Variants in CRIM1 observed in about 807,000 individuals in gnomAD.
The protein encoded by CRIM1 is cysteine rich transmembrane BMP regulator 1.
A neutral mutation model predicts 116.4 loss-of-function variants in CRIM1; 32 were observed. The observed-to-expected ratio is 0.27, with a 90% confidence interval of 0.21 to 0.37. CRIM1 has a LOEUF of 0.37. CRIM1 is among the 10% of genes least tolerant of loss of function. CRIM1 has a pLI of 1.00. For missense variants in CRIM1, 1,331 were observed against 1,354.8 expected, an observed-to-expected ratio of 0.98 and a Z score of 0.28; for synonymous variants, 590 against 509.2, an observed-to-expected ratio of 1.16 and a Z score of -2.13.
rs762172127 is a variant in CRIM1, at chr2:36,356,357, GGCTGCT to G, written c.76_81del (p.Leu26_Leu27del). 1.8e-5 allele frequency: 28 copies of G among 1,592,402 alleles called. No individual in the cohort carries two copies. Among genetic ancestry groups the G allele is most frequent in the African/African-American group, 4.0e-5 (3 of 74,412 alleles). ...GGGCACCTCCTGGTCTCGCTGCTGG[GGCTGCT>G]GCTGCTGCTGGCGCGCTCCGGCACC... On this transcript the variant is annotated inframe_deletion, in exon 1 of 17. Coordinates refer to ENST00000280527, the MANE Select transcript of CRIM1 (RefSeq NM_016441.3). The surrounding 1 kb of genome is among the most constrained non-coding windows in gnomAD (Gnocchi z 4.3).
intron 2 of CRIM1, among the ~76,000 whole-genome samples, chr2:36,424,317 C>T (rs1674291385): frequency 6.6e-6 from 1 of 152,164 alleles, no homozygotes; most frequent in Non-Finnish European, 1.5e-5. Context: ...TTAAAGATGA[C>T]CACAGTGCCC....
intron 2 of CRIM1, among the ~76,000 whole-genome samples, chr2:36,426,413 C>T (rs1291432295): frequency 6.6e-6 from 1 of 152,166 alleles, no homozygotes; most frequent in Non-Finnish European, 1.5e-5. Context: ...AGTAAAATCC[C>T]TAGCATGTAT....
At chr2:36,507,865 C>G (rs190260692) in intron 8 of CRIM1, among the ~76,000 whole-genome samples, 10 of 152,282 alleles carry the variant, frequency 6.6e-5, no homozygotes, top group Admixed American at 3.9e-4. Flanking sequence ...CACCAAGGTG[C>G]TCAGGCTCCA....
At chr2:36,421,403 A>G in intron 2 of CRIM1, among the ~76,000 whole-genome samples, 1 of 152,186 alleles carries the variant, frequency 6.6e-6, no homozygotes, top group East Asian at 1.9e-4. Flanking sequence ...ATCTTTCTTG[A>G]TGGGACTTTT....
chr2:36,384,647 A>G (rs1158133989), intron 1 of CRIM1, among the ~76,000 whole-genome samples: 1 of 152,202 alleles, frequency 6.6e-6, no homozygotes, highest in Non-Finnish European at 1.5e-5. Context: ...CAAGGTATTC[A>G]TATGCATTTC....
intron 1 of CRIM1, among the ~76,000 whole-genome samples, chr2:36,376,291 A>G (rs1670312621): frequency 6.6e-6 from 1 of 152,262 alleles, no homozygotes; most frequent in Non-Finnish European, 1.5e-5. Context: ...ATAAATGTTT[A>G]AATTCATTTA....
In CRIM1 at chr2:36,391,101, C is replaced by T. The variant is rs1346429196; in HGVS notation, c.332-5513C>T. Among the ~76,000 whole-genome samples, 23 of 145,498 alleles carry T rather than the reference C, an allele frequency of 1.6e-4. No homozygotes were observed. The Admixed American group carries it at 1.6e-3, about 10-fold the overall frequency. ...CTGGGATTACAGGTGTGAGCCATTG[C>T]GCCTGGCCAACTTTTGATTTTTTTT... On this transcript the variant is annotated intron_variant, in intron 1 of 16. Coordinates refer to ENST00000280527, the MANE Select transcript of CRIM1 (RefSeq NM_016441.3).
At chr2:36,509,880 G>T in intron 8 of CRIM1, 103 bp from the exon 9 acceptor site, 1 of 1,001,218 alleles carries the variant, frequency 1.0e-6, no homozygotes, top group South Asian at 1.7e-5. Context: ...CTGAGAAATT[G>T]AGATCTGTGG....
intron 7 of CRIM1, among the ~76,000 whole-genome samples, chr2:36,487,631 A>C (rs1679925070): frequency 6.6e-6 from 1 of 152,134 alleles, no homozygotes; most frequent in Non-Finnish European, 1.5e-5. Context: ...ACAGTAAAAT[A>C]AAGGCACTTT....
intron 4 of CRIM1, among the ~76,000 whole-genome samples, chr2:36,456,565 G>T (rs1017154): frequency 6.6e-5 from 10 of 151,910 alleles, no homozygotes; most frequent in Non-Finnish European, 1.2e-4. Context: ...CCTACCAGCC[G>T]TGAAAGCAGA....
At chr2:36,394,026 G>A (rs1455865550) in intron 1 of CRIM1, among the ~76,000 whole-genome samples, 1 of 152,206 alleles carries the variant, frequency 6.6e-6, no homozygotes, top group Admixed American at 6.5e-5. Flanking sequence ...GAGAATAGTG[G>A]CAGGGAGCCA....
Position 36,544,325 on chromosome 2 carries a change from A to G in CRIM1, c.2624-51A>G, listed in dbSNP as rs1667160425. ...CATTTGGATTGAGAATACAAAAGCC[A>G]ACAATACAGCAGCTTCATCATCTCT... On this transcript the variant is annotated intron_variant, in intron 14 of 16. Transcript: ENST00000280527. 2.3e-6 allele frequency: 3 copies of G among 1,314,688 alleles called. No individual in the cohort carries two copies. In the African/African-American group the frequency reaches 4.5e-5, roughly 20 times the overall value. 81.4% of individuals were successfully genotyped at this position (1,314,688 alleles called of 1,614,324 possible).
chr2:36,466,844 C>G (rs1346177692), intron 5 of CRIM1, among the ~76,000 whole-genome samples: 2 of 152,158 alleles, frequency 1.3e-5, no homozygotes. Flanking sequence ...GTCATTTGTC[C>G]CCTGAAAATA....
At chr2:36,405,793 A>C (rs1050431015) in intron 2 of CRIM1, among the ~76,000 whole-genome samples, 4 of 152,236 alleles carry the variant, frequency 2.6e-5, no homozygotes, top group Non-Finnish European at 5.9e-5. Flanking sequence ...TCAAATGTTA[A>C]TACATGGTAA....
At chr2:36,514,884 G>A (rs750105384) in intron 11 of CRIM1, among the ~76,000 whole-genome samples, 4 of 152,182 alleles carry the variant, frequency 2.6e-5, no homozygotes, top group Non-Finnish European at 5.9e-5. Context: ...GTGACAGGCA[G>A]CTCCCATACC....
intron 2 of CRIM1, among the ~76,000 whole-genome samples, chr2:36,417,219 T>C (rs111631708): frequency 4.6e-5 from 7 of 152,286 alleles, no homozygotes; most frequent in African/African-American, 1.7e-4. Context: ...TGACATCCTT[T>C]TCTTCACCCC....
chr2:36,524,362 C>CT (rs1439589366), intron 13 of CRIM1, among the ~76,000 whole-genome samples: 2 of 152,162 alleles, frequency 1.3e-5, no homozygotes, highest in East Asian at 3.8e-4. Context: ...TAAATGAAAG[C>CT]TATAACTAAG....
At chr2:36,535,473 A>G (rs942062567) in intron 13 of CRIM1, among the ~76,000 whole-genome samples, 1 of 152,214 alleles carries the variant, frequency 6.6e-6, no homozygotes. Context: ...ATCTACAAAC[A>G]TAGGGAAGTG....
chr2:36,386,562 G>C (rs1275688921), intron 1 of CRIM1, among the ~76,000 whole-genome samples: 1 of 152,172 alleles, frequency 6.6e-6, no homozygotes, highest in Non-Finnish European at 1.5e-5. Context: ...ACATTGCTTT[G>C]ATTAAATTCA....
Sources: gnomAD v4.1 joint callset for allele counts (sites outside exome capture counted in the v4.1 genomes callset) on GRCh38, gnomAD v4.1.1 for gene constraint, Gnocchi (gnomAD v3.1) non-coding constraint, MANE v1.5 for transcripts, NCBI Gene and HGNC (gene_info 2026-07-23, HGNC 2026-07-21) for gene names.